GALNT17: variants seen among roughly 807,000 people sequenced by gnomAD.
The protein encoded by GALNT17 is polypeptide N-acetylgalactosaminyltransferase 17, also known as UDP-GalNAc:polypeptide N-acetylgalactosaminyltransferase-like 3.
GALNT17 carries 29 observed loss-of-function variants against 63.7 expected under a neutral mutation model. The ratio of observed to expected loss-of-function variants is 0.46; its 90% confidence interval spans 0.34 to 0.62. The LOEUF (loss-of-function observed/expected upper bound fraction) is 0.62, where lower values mean the gene tolerates loss of function less well. Ranked by LOEUF, GALNT17 falls within the 20% of genes least tolerant of loss-of-function variation. The pLI is 0.01. For synonymous variants in GALNT17, 305 were observed against 318.3 expected (o/e 0.96, Z 0.45); for missense variants, 603 against 799.6 (o/e 0.75, Z 2.97).
chr7:71,578,139 C>A (rs957694297), intron 6 of GALNT17, among the ~76,000 whole-genome samples: 3 of 151,890 alleles, frequency 2.0e-5, no homozygotes, highest in Non-Finnish European at 4.4e-5. Flanking sequence ...TGGGTTCCAG[C>A]GATTCTCCTG....
intron 5 of GALNT17, among the ~76,000 whole-genome samples, chr7:71,544,101 CTT>C (rs935467395): frequency 3.5e-5 from 5 of 143,838 alleles, no homozygotes; most frequent in Admixed American, 7.1e-5. Context: ...CCTTTTAACT[CTT>C]TGAGGCTTGA....
At chr7:71,368,222 C>T (rs150026111) in intron 2 of GALNT17, among the ~76,000 whole-genome samples, 210 of 152,316 alleles carry the variant, frequency 1.4e-3, no homozygotes, top group Admixed American at 2.1e-3. Flanking sequence ...TGGTCTAAAA[C>T]CCTTGACACT....
intron 2 of GALNT17, among the ~76,000 whole-genome samples, chr7:71,376,498 C>G (rs1319657846): frequency 9.0e-6 from 1 of 111,192 alleles, no homozygotes; most frequent in Non-Finnish European, 1.7e-5. Context: ...TACTCAGATT[C>G]ATTTACTGAA....
chr7:71,335,947 T>C (rs908511422), intron 2 of GALNT17, among the ~76,000 whole-genome samples: 5 of 151,536 alleles, frequency 3.3e-5, no homozygotes, highest in Non-Finnish European at 7.4e-5. Flanking sequence ...CAGAAACATA[T>C]AGAAAGAGCC....
intron 8 of GALNT17, among the ~76,000 whole-genome samples, chr7:71,672,294 A>G (rs1791082580): frequency 1.3e-5 from 2 of 152,212 alleles, no homozygotes; most frequent in African/African-American, 4.8e-5. Context: ...TAGATTTCAG[A>G]TGAACTGTAG....
intron 6 of GALNT17, among the ~76,000 whole-genome samples, chr7:71,600,447 T>C (rs1436285352): frequency 6.6e-6 from 1 of 152,066 alleles, no homozygotes; most frequent in Non-Finnish European, 1.5e-5. Context: ...CAGAGACTCA[T>C]GGTCATAATG....
At chr7:71,501,531 G>A (rs1455779967) in intron 5 of GALNT17, among the ~76,000 whole-genome samples, 2 of 152,190 alleles carry the variant, frequency 1.3e-5, no homozygotes, top group Non-Finnish European at 2.9e-5. Flanking sequence ...ACCTTCCAAA[G>A]TGGTGGGATG....
chr7:71,290,123 T>C (rs1562974135), intron 1 of GALNT17, among the ~76,000 whole-genome samples: 1 of 152,218 alleles, frequency 6.6e-6, no homozygotes, highest in African/African-American at 2.4e-5. Context: ...TTTTAGTATA[T>C]GCATGATAGC....
intron 1 of GALNT17, among the ~76,000 whole-genome samples, chr7:71,236,153 C>T (rs893521160): frequency 6.6e-6 from 1 of 151,526 alleles, no homozygotes; most frequent in African/African-American, 2.4e-5. Flanking sequence ...TGCACTTCAG[C>T]CTGGGTAGAC....
At chr7:71,259,477 G>A (rs766592302) in intron 1 of GALNT17, among the ~76,000 whole-genome samples, 3 of 152,036 alleles carry the variant, frequency 2.0e-5, no homozygotes, top group Non-Finnish European at 2.9e-5. Flanking sequence ...AGGGTTTTAC[G>A]GGCACTTGGA....
Position 71,298,240 on chromosome 7 carries a change from G to A in GALNT17, c.239-37310G>A, listed in dbSNP as rs140436496. ...TCATCATGTTGGCCAAGCTGGTCTC[G>A]AACTCCTGACTTCAGGTGATCCACC... is the stretch of plus-strand genomic sequence containing the variant. On this transcript the variant is annotated intron_variant, in intron 1 of 10. Coordinates refer to ENST00000333538, the MANE Select transcript of GALNT17 (RefSeq NM_022479.3). 4.7e-3 allele frequency among the ~76,000 whole-genome samples: 716 copies of A among 152,018 alleles called. 5 individuals carry two copies. Among genetic ancestry groups the A allele is most frequent in the African/African-American group, 0.016 (649 of 41,452 alleles).
intron 3 of GALNT17, among the ~76,000 whole-genome samples, chr7:71,412,672 TCCTC>T (rs1364012670): frequency 6.6e-6 from 1 of 152,220 alleles, no homozygotes; most frequent in African/African-American, 2.4e-5. Flanking sequence ...CCCCAGAATG[TCCTC>T]TGGCCCCCTC....
At chr7:71,471,777 G>A (rs1427320492) in intron 5 of GALNT17, among the ~76,000 whole-genome samples, 1 of 152,094 alleles carries the variant, frequency 6.6e-6, no homozygotes, top group African/African-American at 2.4e-5. Flanking sequence ...TTTCCCATCA[G>A]AGATATTTGT....
chr7:71,584,252 C>T (rs1186652970), intron 6 of GALNT17, among the ~76,000 whole-genome samples: 1 of 152,194 alleles, frequency 6.6e-6, no homozygotes, highest in Non-Finnish European at 1.5e-5. Flanking sequence ...TTTTGTCTCA[C>T]TGTTTTTTTC....
intron 5 of GALNT17, among the ~76,000 whole-genome samples, chr7:71,536,064 T>C (rs1276994735): frequency 6.6e-6 from 1 of 152,224 alleles, no homozygotes; most frequent in Non-Finnish European, 1.5e-5. Context: ...CTCAACTGAC[T>C]ATTTGAGTCT....
chr7:71,365,037 T>G (rs1412669930), intron 2 of GALNT17, among the ~76,000 whole-genome samples: 1 of 152,024 alleles, frequency 6.6e-6, no homozygotes, highest in Non-Finnish European at 1.5e-5. Context: ...TTCAAGCGGT[T>G]CTCCTGCCTC....
At chr7:71,634,855 C>A (rs1257400258) in intron 6 of GALNT17, among the ~76,000 whole-genome samples, 1 of 151,708 alleles carries the variant, frequency 6.6e-6, no homozygotes, top group African/African-American at 2.4e-5. Flanking sequence ...GCTTATAGGT[C>A]GATTAAAAAT....
At chr7:71,393,438 C>T (rs76658081) in intron 3 of GALNT17, among the ~76,000 whole-genome samples, 6,726 of 152,242 alleles carry the variant, frequency 0.044, 207 homozygotes, top group Middle Eastern at 0.088. Context: ...GGCAACTGCT[C>T]ATTCGCCCAT....
intron 1 of GALNT17, among the ~76,000 whole-genome samples, chr7:71,233,332 A>T (rs1583783632): frequency 6.6e-6 from 1 of 152,092 alleles, no homozygotes; most frequent in African/African-American, 2.4e-5. Context: ...ATGGCGAGGG[A>T]GCTGGGCAGT....
Sources: allele counts gnomAD v4.1 joint callset (sites outside exome capture counted in the v4.1 genomes callset), GRCh38; gene constraint gnomAD v4.1.1; transcripts MANE v1.5; gene names NCBI Gene and HGNC (gene_info 2026-07-23, HGNC 2026-07-21).